ROCK2: variants seen among roughly 807,000 people sequenced by gnomAD.
ROCK2 encodes the protein Rho associated coiled-coil containing protein kinase 2.
In ROCK2, 61 loss-of-function variants were observed where a neutral mutation model predicts 195.1. The ratio of observed to expected loss-of-function variants is 0.31; its 90% confidence interval spans 0.25 to 0.39. ROCK2 has a LOEUF of 0.39. Among genes scored for constraint, ROCK2 ranks in the 10% least tolerant of loss-of-function variants. The pLI is 1.00. For missense variants in ROCK2, 1,109 were observed against 1,637.4 expected, an observed-to-expected ratio of 0.68 and a Z score of 5.57; for synonymous variants, 504 against 545.5, an observed-to-expected ratio of 0.92 and a Z score of 1.06.
chr2:11,201,403 T>C lies in ROCK2; in HGVS notation c.2630A>G (p.Lys877Arg). 6.3e-7 allele frequency: 1 copy of C among 1,592,598 alleles called. No homozygotes were observed. The highest frequency in any genetic ancestry group is 8.6e-7 in the Non-Finnish European group (1 of 1,160,898). ...EAEQYFSTLYKTQVRELKEEC... is the reference protein window; with the variant it reads ...EAEQYFSTLYRTQVRELKEEC... ...TTCTTTAAGCTCCCTAACTTGTGTT[T>C]TATAAAGGGTCTAAATAGCAAAATA... Residue 877 changes from lysine to arginine, a missense_variant, in exon 22 of 33, where the codon AAA becomes AGA. Physicochemically the swap from Lys to Arg is conservative, Grantham distance 26 (BLOSUM62 2). Around this residue, in one of 6 missense-constraint regions of ROCK2, gnomAD observed 542 missense variants for 672.0 expected, o/e 0.81. Coordinates refer to ENST00000315872, the MANE Select transcript of ROCK2 (RefSeq NM_004850.5). The surrounding 1 kb of genome is among the most constrained non-coding windows in gnomAD (Gnocchi z 4.6).
rs375219139 is a variant in ROCK2, at chr2:11,215,288, C to G, written c.1689+33G>C. 1.9e-5 allele frequency: 29 copies of G among 1,512,534 alleles called. No individual in the cohort carries two copies. In the Admixed American group the frequency reaches 5.0e-4, roughly 26 times the overall value. The allele number at this position is 1,512,534 out of a possible 1,614,324, so 93.7% of individuals were successfully genotyped here. ...AATGTTATCGCGTTAAAAATAAAAC[C>G]CAGTATCTTTACTACAAATTAGATC... On this transcript the variant is annotated intron_variant, in intron 15 of 32. Coordinates refer to ENST00000315872, the MANE Select transcript of ROCK2 (RefSeq NM_004850.5).
intron 1 of ROCK2, among the ~76,000 whole-genome samples, chr2:11,333,000 G>A (rs1668816303): frequency 6.6e-6 from 1 of 152,162 alleles, no homozygotes; most frequent in South Asian, 2.1e-4. Context: ...TCAGTGGTTG[G>A]CTGGGGATGG....
Position 11,201,352 on chromosome 2 carries a change from C to T in ROCK2, c.2681G>A (p.Gly894Asp), listed in dbSNP as rs1030991062. The change falls in exon 22 of 33, where the codon GGT (glycine) becomes GAT (aspartate). Residue 894 changes from glycine (G) to aspartate (D), a missense_variant. Gly to Asp is a moderately conservative substitution (Grantham distance 94). Coordinates refer to ENST00000315872, the MANE Select transcript of ROCK2 (RefSeq NM_004850.5). The surrounding 1 kb of genome is among the most constrained non-coding windows in gnomAD (Gnocchi z 4.6). ...CTGTTTCTTCTGCTGCAATTCTTTACCAAGTTTGGTCTTTTCTTCACATTC... is the reference window on the plus strand; with the variant it reads ...CTGTTTCTTCTGCTGCAATTCTTTATCAAGTTTGGTCTTTTCTTCACATTC... ...KEECEEKTKL[G>D]KELQQKKQEL... 6.2e-7 allele frequency: 1 copy of T among 1,613,300 alleles called. No individual in the cohort carries two copies. The highest frequency in any genetic ancestry group is 8.5e-7 in the Non-Finnish European group (1 of 1,179,528).
At position 11,344,078 on chromosome 2, in the gene ROCK2, TC is replaced by T; in HGVS notation, c.58del (p.Asp20ThrfsTer14). 1 of 1,542,848 alleles carries T rather than the reference TC, an allele frequency of 6.5e-7. No individual in the cohort carries two copies. The highest frequency in any genetic ancestry group is 1.2e-5 in the South Asian group (1 of 84,618). On this transcript the variant is annotated frameshift_variant, in exon 1 of 33. Coordinates refer to ENST00000315872, the MANE Select transcript of ROCK2 (RefSeq NM_004850.5). LOFTEE classifies it high-confidence loss of function. This position sits in a 1 kb window ranked among gnomAD's most constrained non-coding sequence, Gnocchi z 5.4. Reference protein sequence around the residue: ...MPGAPETAPGDGAGASRQRKL... With the variant: ...MPGAPETAPGXGAGASRQRKL... ...CCTCTGGCGGCTCGCGCCTGCCCCG[TC>T]CCCCGGCGCGGTCTCGGGGGCGCCG...
intron 1 of ROCK2, among the ~76,000 whole-genome samples, chr2:11,338,598 G>A (rs538974432): frequency 9.9e-5 from 15 of 152,216 alleles, no homozygotes; most frequent in African/African-American, 3.6e-4. Context: ...ATTTTGGTAC[G>A]TAGGCAGACT....
chr2:11,195,049 G>A, intron 27 of ROCK2, 24 bp from the exon 28 acceptor site: 7 of 1,361,294 alleles, frequency 5.1e-6, no homozygotes, highest in African/African-American at 2.9e-5. Context: ...CAACATGTGA[G>A]GCTAAAGATA....
At chr2:11,231,202 G>C (rs1005533129) in intron 5 of ROCK2, among the ~76,000 whole-genome samples, 7 of 150,966 alleles carry the variant, frequency 4.6e-5, no homozygotes, top group African/African-American at 1.7e-4. Flanking sequence ...TTTTCTTCAG[G>C]TAATTTTTTT....
chr2:11,331,782 C>T (rs1668774923), intron 1 of ROCK2, among the ~76,000 whole-genome samples: 1 of 152,150 alleles, frequency 6.6e-6, no homozygotes, highest in Non-Finnish European at 1.5e-5. Flanking sequence ...AAAAATTAGC[C>T]AGGCCTGGTG....
At chr2:11,337,911 G>A (rs1044385766) in intron 1 of ROCK2, among the ~76,000 whole-genome samples, 6 of 152,034 alleles carry the variant, frequency 3.9e-5, no homozygotes, top group African/African-American at 1.4e-4. Context: ...CCAAAGTGCT[G>A]AGATTACAGG....
intron 3 of ROCK2, among the ~76,000 whole-genome samples, chr2:11,280,821 A>C (rs544735297): frequency 6.6e-6 from 1 of 152,330 alleles, no homozygotes; most frequent in South Asian, 2.1e-4. Flanking sequence ...TTCAGTGGTG[A>C]AATGTACCAA....
At chr2:11,253,548 T>C (rs900405716) in intron 3 of ROCK2, among the ~76,000 whole-genome samples, 5 of 152,260 alleles carry the variant, frequency 3.3e-5, no homozygotes, top group Non-Finnish European at 7.3e-5. Context: ...TCATAATTTG[T>C]AATTTTTGAT....
intron 27 of ROCK2, chr2:11,195,228 C>T (rs1558280385): frequency 3.2e-6 from 1 of 313,040 alleles, no homozygotes; most frequent in African/African-American, 2.2e-5. Context: ...CAGGTTATAT[C>T]ATATTGGAAA....
intron 6 of ROCK2, among the ~76,000 whole-genome samples, chr2:11,225,472 T>A (rs1198599550): frequency 6.6e-6 from 1 of 151,312 alleles, no homozygotes; most frequent in Admixed American, 6.6e-5. Flanking sequence ...AACTTTCTTA[T>A]GTTAAAAATT....
At chr2:11,215,458 A>T in intron 14 of ROCK2, 46 bp from the exon 15 acceptor site, 1 of 1,605,936 alleles carries the variant, frequency 6.2e-7, no homozygotes, top group Non-Finnish European at 8.5e-7. Flanking sequence ...TAACACACAT[A>T]CACACACTTA....
rs564699444 is a variant in ROCK2 at position 11,201,658 on chromosome 2, A to G, written c.2620-245T>C. 6.6e-6 allele frequency among the ~76,000 whole-genome samples: 1 copy of G among 152,360 alleles called. No homozygotes were observed. Among genetic ancestry groups the G allele is most frequent in the Admixed American group, 6.5e-5 (1 of 15,304 alleles). On this transcript the variant is annotated intron_variant, in intron 21 of 32. Coordinates refer to ENST00000315872, the MANE Select transcript of ROCK2 (RefSeq NM_004850.5). The surrounding 1 kb of genome is among the most constrained non-coding windows in gnomAD (Gnocchi z 4.6). ...ATCACAGTGATATTTCTCATTTAAT[A>G]GCACAGATAGGTAAAATGAATAAGG...
chr2:11,289,644 ACT>A (rs1212452973), intron 1 of ROCK2, among the ~76,000 whole-genome samples: 6 of 152,188 alleles, frequency 3.9e-5, no homozygotes, highest in Admixed American at 3.3e-4. Context: ...AATAAAAGTA[ACT>A]CTGCATTAAA....
intron 3 of ROCK2, among the ~76,000 whole-genome samples, chr2:11,272,869 C>CAAAAAAAAA (rs34327134): frequency 2.0e-5 from 2 of 99,250 alleles, no homozygotes; most frequent in African/African-American, 8.6e-5. Flanking sequence ...GACTCTGTCT[C>CAAAAAAAAA]AAAAAAAAAA....
chr2:11,329,488 T>C (rs1325641134), intron 1 of ROCK2, among the ~76,000 whole-genome samples: 1 of 151,894 alleles, frequency 6.6e-6, no homozygotes, highest in East Asian at 1.9e-4. Flanking sequence ...AAACCGTAAC[T>C]TCTTAAAAAT....
chr2:11,203,493 A>G (rs1663938849), intron 20 of ROCK2, among the ~76,000 whole-genome samples: 1 of 152,140 alleles, frequency 6.6e-6, no homozygotes, highest in Non-Finnish European at 1.5e-5. Context: ...AAATGTAGTC[A>G]AGTATTTTAC....
Sources: allele counts gnomAD v4.1 joint callset (sites outside exome capture counted in the v4.1 genomes callset), GRCh38; gene constraint gnomAD v4.1.1; regional missense constraint gnomAD v4.1.1; non-coding constraint Gnocchi (gnomAD v3.1); transcripts MANE v1.5; gene names NCBI Gene and HGNC (gene_info 2026-07-23, HGNC 2026-07-21).